Variants in FSIP1 observed in about 807,000 individuals in gnomAD.
The protein encoded by FSIP1 is fibrous sheath interacting protein 1, also known as fibrous sheath-interacting protein 1.
FSIP1 carries 65 observed loss-of-function variants against 60.9 expected under a neutral mutation model. The observed-to-expected ratio is 1.07, with a 90% CI of 0.87 to 1.31. The LOEUF (loss-of-function observed/expected upper bound fraction) is 1.31. Among genes scored for constraint, FSIP1 ranks in the 40% most tolerant of loss-of-function variants. The pLI is 0.00. For missense variants in FSIP1, 675 were observed against 665.5 expected (o/e 1.01, Z -0.16); for synonymous variants, 209 against 221.2 (o/e 0.94, Z 0.49).
At chr15:39,724,207 T>C (rs973725659) in intron 9 of FSIP1, among the ~76,000 whole-genome samples, 2 of 152,116 alleles carry the variant, frequency 1.3e-5, no homozygotes, top group African/African-American at 4.8e-5. Flanking sequence ...ATGTGAACTC[T>C]GAAAATGTGA....
intron 10 of FSIP1, among the ~76,000 whole-genome samples, chr15:39,673,505 A>C (rs1231325858): frequency 6.6e-6 from 1 of 151,908 alleles, no homozygotes; most frequent in Non-Finnish European, 1.5e-5. Context: ...GGTAGAGACG[A>C]GGTCTCGCTT....
At chr15:39,782,416 T>C (rs1051811592) in intron 1 of FSIP1, among the ~76,000 whole-genome samples, 11 of 152,304 alleles carry the variant, frequency 7.2e-5, no homozygotes, top group East Asian at 3.9e-4. Context: ...CAGGTCCTAA[T>C]GTTAGGTGAT....
At chr15:39,641,869 G>T (rs1055858481) in intron 10 of FSIP1, among the ~76,000 whole-genome samples, 6 of 152,166 alleles carry the variant, frequency 3.9e-5, no homozygotes, top group Non-Finnish European at 8.8e-5. Flanking sequence ...CCCAGCTGCT[G>T]TGTAAATTTA....
chr15:39,656,533 G>A (rs1893077061), intron 10 of FSIP1, among the ~76,000 whole-genome samples: 1 of 152,186 alleles, frequency 6.6e-6, no homozygotes, highest in Non-Finnish European at 1.5e-5. Flanking sequence ...CTCTGACTCT[G>A]CCACTTACTA....
intron 10 of FSIP1, among the ~76,000 whole-genome samples, chr15:39,671,499 G>C (rs1893718506): frequency 6.6e-6 from 1 of 151,966 alleles, no homozygotes; most frequent in Non-Finnish European, 1.5e-5. Context: ...AAACCTGAAG[G>C]CTCCTGCAGA....
chr15:39,691,624 G>A (rs1894604082), intron 10 of FSIP1, among the ~76,000 whole-genome samples: 2 of 152,254 alleles, frequency 1.3e-5, no homozygotes, highest in African/African-American at 4.8e-5. Flanking sequence ...ATCTATTAAA[G>A]AAGAGAGATC....
chr15:39,766,526 C>T (rs1897695051), intron 3 of FSIP1, among the ~76,000 whole-genome samples: 1 of 152,178 alleles, frequency 6.6e-6, no homozygotes, highest in South Asian at 2.1e-4. Flanking sequence ...TAAACTGAAG[C>T]TAATTTTTAA....
At chr15:39,625,822 C>G (rs961793251) in intron 10 of FSIP1, among the ~76,000 whole-genome samples, 2 of 152,102 alleles carry the variant, frequency 1.3e-5, no homozygotes, top group Middle Eastern at 3.2e-3. Flanking sequence ...TCTCATGCTC[C>G]GAGGGAACTG....
chr15:39,777,207 T>G (rs904973425), intron 1 of FSIP1, among the ~76,000 whole-genome samples: 5 of 152,112 alleles, frequency 3.3e-5, no homozygotes, highest in African/African-American at 1.2e-4. Context: ...GTCCCCCTGC[T>G]ACTTTCTTTC....
chr15:39,671,235 A>C (rs1026853704), intron 10 of FSIP1, among the ~76,000 whole-genome samples: 8 of 152,302 alleles, frequency 5.3e-5, no homozygotes, highest in Admixed American at 3.3e-4. Context: ...TTTATTTGTC[A>C]ATTTTTTGGT....
At chr15:39,619,817 A>G (rs1439189579) in intron 10 of FSIP1, among the ~76,000 whole-genome samples, 1 of 152,172 alleles carries the variant, frequency 6.6e-6, no homozygotes, top group African/African-American at 2.4e-5. Flanking sequence ...CTTACCAAAC[A>G]TCCTCATCAA....
At chr15:39,620,257 G>T (rs1457181394) in intron 10 of FSIP1, among the ~76,000 whole-genome samples, 2 of 152,102 alleles carry the variant, frequency 1.3e-5, no homozygotes, top group East Asian at 1.9e-4. Context: ...GATGACTAAG[G>T]TAAGCAAAAA....
chr15:39,733,373 G>C (rs1393007270), intron 8 of FSIP1, among the ~76,000 whole-genome samples: 1 of 152,320 alleles, frequency 6.6e-6, no homozygotes, highest in African/African-American at 2.4e-5. Context: ...GAGCTACATG[G>C]CTAAGCAGCA....
At chr15:39,679,475 G>A (rs1311016624) in intron 10 of FSIP1, among the ~76,000 whole-genome samples, 3 of 152,114 alleles carry the variant, frequency 2.0e-5, no homozygotes, top group African/African-American at 4.8e-5. Flanking sequence ...GGTGGCTCGC[G>A]CCTGTCATCC....
chr15:39,727,137 A>G (rs929944473), intron 8 of FSIP1, among the ~76,000 whole-genome samples: 1 of 152,244 alleles, frequency 6.6e-6, no homozygotes, highest in African/African-American at 2.4e-5. Flanking sequence ...CTGTCCCTTA[A>G]AAGTAACATA....
intron 8 of FSIP1, among the ~76,000 whole-genome samples, chr15:39,727,742 C>T (rs1379895494): frequency 6.6e-6 from 1 of 152,082 alleles, no homozygotes; most frequent in Non-Finnish European, 1.5e-5. Flanking sequence ...AGGATGCCCA[C>T]TCTCACCACT....
chr15:39,738,976 T>C (rs1260848858), intron 7 of FSIP1, among the ~76,000 whole-genome samples: 1 of 152,216 alleles, frequency 6.6e-6, no homozygotes, highest in Non-Finnish European at 1.5e-5. Context: ...GCCCATGCAG[T>C]TTTCTAGTGA....
At chr15:39,770,164 A>G (rs1021732524) in intron 3 of FSIP1, among the ~76,000 whole-genome samples, 22 of 152,020 alleles carry the variant, frequency 1.4e-4, no homozygotes, top group African/African-American at 5.3e-4. Context: ...ATGCAGAAAT[A>G]CTCCCTACTT....
chr15:39,640,508 A>G (rs1423021871), intron 10 of FSIP1, among the ~76,000 whole-genome samples: 1 of 152,188 alleles, frequency 6.6e-6, no homozygotes, highest in Admixed American at 6.5e-5. Flanking sequence ...CTGATGAGTA[A>G]TTTCCCAGAG....
Sources: gnomAD v4.1 joint callset for allele counts (sites outside exome capture counted in the v4.1 genomes callset) on GRCh38, gnomAD v4.1.1 for gene constraint, MANE v1.5 for transcripts, NCBI Gene and HGNC (gene_info 2026-07-23, HGNC 2026-07-21) for gene names.